Variants in CGNL1 observed in about 807,000 individuals in gnomAD.
CGNL1 encodes cingulin like 1, also known as cingulin-like protein 1.
Under a neutral mutation model 141.2 loss-of-function variants are expected in CGNL1, and 132 were observed. That is an observed-to-expected ratio of 0.93 (90% confidence interval 0.81 to 1.08). CGNL1 has a LOEUF of 1.08. CGNL1 is among the 50% of genes least tolerant of loss of function. The probability of loss-of-function intolerance (pLI) is 0.00; values close to 1 mark genes in which losing one functional copy is unlikely to be tolerated. For missense variants in CGNL1, 1,870 were observed against 1,588.6 expected, an observed-to-expected ratio of 1.18 and a Z score of -3.01; for synonymous variants, 690 against 622.1, an observed-to-expected ratio of 1.11 and a Z score of -1.63.
At chr15:57,474,611 G>A (rs1204479741) in intron 8 of CGNL1, among the ~76,000 whole-genome samples, 2 of 152,184 alleles carry the variant, frequency 1.3e-5, no homozygotes, top group African/African-American at 2.4e-5. Flanking sequence ...ACCCAGCTTT[G>A]TCATTGACTT....
At chr15:57,516,710 C>A in intron 8 of CGNL1, 70 bp from the exon 9 acceptor site, 2 of 1,494,488 alleles carry the variant, frequency 1.3e-6, no homozygotes, top group Non-Finnish European at 1.8e-6. Context: ...TAAATGCCAG[C>A]CATTCTTCCA....
chr15:57,522,485 G>A (rs528193680), intron 10 of CGNL1, among the ~76,000 whole-genome samples: 56 of 152,326 alleles, frequency 3.7e-4, no homozygotes, highest in African/African-American at 1.2e-3. Context: ...ACAAGACTGG[G>A]TAGGCCCTGA....
intron 10 of CGNL1, among the ~76,000 whole-genome samples, chr15:57,522,123 C>CA (rs1383504498): frequency 5.9e-5 from 9 of 152,146 alleles, no homozygotes; most frequent in South Asian, 2.1e-4. Flanking sequence ...AATTCCCCCC[C>CA]ACACTGAACT....
At chr15:57,468,242 T>TTTTTTTTTTTTTTTTTTTTTTTTC (rs2063534992) in intron 8 of CGNL1, among the ~76,000 whole-genome samples, 1 of 108,482 alleles carries the variant, frequency 9.2e-6, no homozygotes, top group African/African-American at 3.6e-5. Context: ...TTCTTTTTTT[T>TTTTTTTTTTTTTTTTTTTTTTTTC]TTTTTTTTTT....
intron 7 of CGNL1, among the ~76,000 whole-genome samples, chr15:57,454,269 T>G (rs1471944531): frequency 1.3e-5 from 2 of 152,184 alleles, no homozygotes; most frequent in African/African-American, 4.8e-5. Context: ...TTTGTAGGAA[T>G]AGCCCAACAA....
intron 8 of CGNL1, among the ~76,000 whole-genome samples, chr15:57,503,598 G>A (rs2064058371): frequency 6.6e-6 from 1 of 152,118 alleles, no homozygotes; most frequent in African/African-American, 2.4e-5. Context: ...TGGAGTGGAA[G>A]GGGTGTGTTA....
intron 1 of CGNL1, among the ~76,000 whole-genome samples, chr15:57,424,645 T>C (rs543345879): frequency 3.7e-4 from 57 of 152,316 alleles, no homozygotes; most frequent in African/African-American, 1.2e-3. Context: ...GTAAGTATCA[T>C]GAACTAGTGG....
chr15:57,546,892 T>G (rs918574685), intron 18 of CGNL1, among the ~76,000 whole-genome samples: 6 of 152,134 alleles, frequency 3.9e-5, no homozygotes, highest in African/African-American at 1.4e-4. Context: ...GACAGAAGGC[T>G]CCAGCCCATT....
At chr15:57,379,044 TTTTTTG>T (rs1357994101) in intron 1 of CGNL1, among the ~76,000 whole-genome samples, 1 of 150,284 alleles carries the variant, frequency 6.7e-6, no homozygotes, top group African/African-American at 2.5e-5. Flanking sequence ...TCCTACTGTT[TTTTTTG>T]TGTGTGTGTG....
At chr15:57,386,603 A>G (rs1018371898) in intron 1 of CGNL1, among the ~76,000 whole-genome samples, 11 of 152,040 alleles carry the variant, frequency 7.2e-5, no homozygotes, top group Admixed American at 2.0e-4. Flanking sequence ...TCTGTGTACA[A>G]CCTTTGGCTT....
chr15:57,416,390 C>T (rs2062849864), intron 1 of CGNL1, among the ~76,000 whole-genome samples: 1 of 152,090 alleles, frequency 6.6e-6, no homozygotes, highest in Admixed American at 6.6e-5. Flanking sequence ...AGCTCACCAC[C>T]TCTTCAAAGT....
intron 8 of CGNL1, among the ~76,000 whole-genome samples, chr15:57,489,637 G>A (rs1465429447): frequency 1.3e-5 from 2 of 152,146 alleles, no homozygotes; most frequent in African/African-American, 4.8e-5. Context: ...GTAGATATTA[G>A]TTGTCCCATC....
At chr15:57,487,928 A>G (rs919250107) in intron 8 of CGNL1, among the ~76,000 whole-genome samples, 4 of 152,214 alleles carry the variant, frequency 2.6e-5, no homozygotes, top group African/African-American at 9.6e-5. Flanking sequence ...TTTGGCGTGT[A>G]TACCTGGGAG....
At chr15:57,461,011 A>T (rs2063438969) in intron 7 of CGNL1, among the ~76,000 whole-genome samples, 1 of 152,108 alleles carries the variant, frequency 6.6e-6, no homozygotes, top group Admixed American at 6.5e-5. Context: ...CTGAGCTGGA[A>T]AACTGAGAAG....
At chr15:57,472,449 A>G (rs1425519401) in intron 8 of CGNL1, among the ~76,000 whole-genome samples, 1 of 152,068 alleles carries the variant, frequency 6.6e-6, no homozygotes, top group Non-Finnish European at 1.5e-5. Flanking sequence ...GTGTGTGTGT[A>G]GTGTTTTTGT....
At chr15:57,524,159 C>G (rs2031455934) in intron 11 of CGNL1, among the ~76,000 whole-genome samples, 1 of 152,186 alleles carries the variant, frequency 6.6e-6, no homozygotes, top group African/African-American at 2.4e-5. Flanking sequence ...ACTTTACTAA[C>G]TATTTTGTTT....
At chr15:57,455,392 T>C (rs930563080) in intron 7 of CGNL1, among the ~76,000 whole-genome samples, 2 of 152,214 alleles carry the variant, frequency 1.3e-5, no homozygotes, top group Non-Finnish European at 2.9e-5. Context: ...TTATTGGTTC[T>C]AAAAGGGAAA....
chr15:57,401,910 G>T (rs2062664459), intron 1 of CGNL1: 1 of 152,290 alleles, frequency 6.6e-6, no homozygotes, highest in South Asian at 2.1e-4. Flanking sequence ...AAATGTGAAG[G>T]CTTGTGGAAA....
chr15:57,473,375 A>G (rs1043525686), intron 8 of CGNL1, among the ~76,000 whole-genome samples: 9 of 152,232 alleles, frequency 5.9e-5, no homozygotes, highest in Admixed American at 3.3e-4. Context: ...AAAATGGAAT[A>G]TGTCATAAAC....
Sources: gnomAD v4.1 joint callset for allele counts (sites outside exome capture counted in the v4.1 genomes callset) on GRCh38, gnomAD v4.1.1 for gene constraint, MANE v1.5 for transcripts, NCBI Gene and HGNC (gene_info 2026-07-23, HGNC 2026-07-21) for gene names.